The following PTCHD1 variants were observed in gnomAD, a reference collection of about 807,000 sequenced individuals.
PTCHD1 encodes the protein patched domain-containing protein 1.
Under a neutral mutation model 34.6 loss-of-function variants are expected in PTCHD1, and 3 were observed. The observed-to-expected ratio is 0.09, with a 90% confidence interval of 0.04 to 0.22. PTCHD1 has a LOEUF of 0.22. PTCHD1 is among the 10% of genes least tolerant of loss of function. PTCHD1 has a pLI of 1.00. For synonymous variants in PTCHD1, 305 were observed against 283.1 expected, an observed-to-expected ratio of 1.08 and a Z score of -0.77; for missense variants, 504 against 685.5, an observed-to-expected ratio of 0.74 and a Z score of 2.96.
intron 1 of PTCHD1, among the ~76,000 whole-genome samples, chrX:23,342,266 CTATATATATATATATATATATATA>C (rs1194698667): frequency 6.4e-5 from 2 of 31,263 alleles, no homozygotes; most frequent in Non-Finnish European, 1.2e-4. Context: ...GTGTTTCTCC[CTATATATATATATATATATATATA>C]TATATATATA....
At chrX:23,380,797 G>A (rs183658888) in intron 2 of PTCHD1, among the ~76,000 whole-genome samples, 116 of 111,258 alleles carry the variant, frequency 1.0e-3, no homozygotes, top group Non-Finnish European at 1.9e-3. Flanking sequence ...GTCCTCCCCC[G>A]GGGTGAGGAA....
chrX:23,349,745 G>A (rs1213182222), intron 1 of PTCHD1, among the ~76,000 whole-genome samples: 1 of 111,295 alleles, frequency 9.0e-6, no homozygotes, highest in Non-Finnish European at 1.9e-5. Context: ...TCCTCTGTCA[G>A]TAATGGATTA....
chrX:23,392,033 TTTTC>T (rs988428369), intron 2 of PTCHD1, among the ~76,000 whole-genome samples: 2 of 106,518 alleles, frequency 1.9e-5, no homozygotes, highest in African/African-American at 7.0e-5. Context: ...AGTTGTTTCA[TTTTC>T]TTTCTTTTTT....
At chrX:23,392,074 CT>C (rs763041195) in intron 2 of PTCHD1, among the ~76,000 whole-genome samples, 38 of 52,336 alleles carry the variant, frequency 7.3e-4, no homozygotes, top group Middle Eastern at 0.012. Flanking sequence ...TTCTTTCTTT[CT>C]TTTTTTTTTT....
intron 1 of PTCHD1, among the ~76,000 whole-genome samples, chrX:23,362,783 T>C (rs1210495758): frequency 8.9e-6 from 1 of 112,233 alleles, no homozygotes; most frequent in Non-Finnish European, 1.9e-5. Flanking sequence ...CTTTGGTCTT[T>C]GATGTTGGTG....
At chrX:23,354,496 AATATATATATAT>A (rs142123920) in intron 1 of PTCHD1, among the ~76,000 whole-genome samples, 4 of 95,801 alleles carry the variant, frequency 4.2e-5, no homozygotes, top group East Asian at 6.5e-4. Flanking sequence ...GAAGTACACA[AATATATATATAT>A]ATATATATAT....
At chrX:23,355,337 T>C (rs1002187183) in intron 1 of PTCHD1, among the ~76,000 whole-genome samples, 7 of 112,515 alleles carry the variant, frequency 6.2e-5, no homozygotes, top group Non-Finnish European at 1.3e-4. Flanking sequence ...TTGCCGCCTA[T>C]TGGGGTCTCT....
rs5971112 is a variant in PTCHD1, at chrX:23,380,520, T to A, written c.1012+269T>A. On this transcript the variant is annotated intron_variant, in intron 2 of 2. Coordinates refer to ENST00000379361, the MANE Select transcript of PTCHD1 (RefSeq NM_173495.3). ...TGTCTAGCAGGTATTAATCTTCTCC[T>A]TGTCCCAGTGTCTTAGGTTGGGCTT... Among the ~76,000 whole-genome samples, 307 of 110,863 alleles carry A rather than the reference T, an allele frequency of 2.8e-3. 3 individuals are homozygous for A. Among genetic ancestry groups the A allele is most frequent in the African/African-American group, 9.4e-3 (286 of 30,274 alleles).
In PTCHD1 at chrX:23,393,956, C is replaced by T; in HGVS notation, c.2438C>T (p.Ala813Val). The change falls in exon 3 of 3, where the codon GCA (alanine) becomes GTA (valine). Residue 813 changes from alanine to valine, a missense_variant. Physicochemically the swap from Ala to Val is moderately conservative, Grantham distance 64 (BLOSUM62 0). Coordinates refer to ENST00000379361, the MANE Select transcript of PTCHD1 (RefSeq NM_173495.3). ...LCYIVGLIPL[A>V]AVPSNLTCTL... ...TATATTGTTGGTCTGATTCCTCTTG[C>T]AGCTGTGCCTTCAAATCTGACCTGT... The T allele has an allele frequency of 8.3e-7, 1 of 1,209,581 alleles. No homozygotes were observed. Among genetic ancestry groups the T allele is most frequent in the South Asian group, 1.8e-5 (1 of 56,907 alleles).
At chrX:23,370,338 A>C (rs1450385691) in intron 1 of PTCHD1, among the ~76,000 whole-genome samples, 1 of 111,892 alleles carries the variant, frequency 8.9e-6, no homozygotes, top group Non-Finnish European at 1.9e-5. Flanking sequence ...ACCTCCCAGA[A>C]GGGTCGAGGC....
intron 1 of PTCHD1, among the ~76,000 whole-genome samples, chrX:23,342,265 C>CATATATATATAT (rs1921328923): frequency 7.0e-5 from 4 of 57,471 alleles, no homozygotes; most frequent in Admixed American, 3.8e-4. Context: ...TGTGTTTCTC[C>CATATATATATAT]CTATATATAT....
chrX:23,364,220 G>A (rs979979950), intron 1 of PTCHD1, among the ~76,000 whole-genome samples: 1 of 110,843 alleles, frequency 9.0e-6, no homozygotes. Flanking sequence ...ACTGGGAAAG[G>A]ACATGAGAGG....
In PTCHD1 at chrX:23,403,309, A is replaced by G. The variant is rs1923167264; in HGVS notation, c.*9124A>G. 1 of 112,211 alleles carries G rather than the reference A, an allele frequency of 8.9e-6. No individual in the cohort carries two copies. The allele number at this position is 112,211 out of a possible 1,213,427, so 9.2% of individuals were successfully genotyped here. A position where few individuals can be genotyped will look rare whatever the true frequency, so the allele number is the denominator to read the frequency against. On this transcript the variant is annotated 3_prime_UTR_variant, in exon 3 of 3. Transcript: ENST00000379361. ...GCAAGTGGGTGATTCTGGTCATAAT[A>G]AACTATTTTCAAACTAGGAAAAAGT...
At chrX:23,367,183 A>G (rs183744609) in intron 1 of PTCHD1, among the ~76,000 whole-genome samples, 1 of 112,192 alleles carries the variant, frequency 8.9e-6, no homozygotes, top group Non-Finnish European at 1.9e-5. Flanking sequence ...CGTAATGCCC[A>G]GTATGGTGTA....
chrX:23,374,954 G>T (rs895744250), intron 1 of PTCHD1, among the ~76,000 whole-genome samples: 2 of 111,760 alleles, frequency 1.8e-5, no homozygotes, highest in African/African-American at 6.5e-5. Context: ...ACACTCTTAA[G>T]GTAGGTAGTG....
Position 23,404,064 on chromosome X carries a change from A to T in PTCHD1, c.*9879A>T, listed in dbSNP as rs1158003984. ...AGCTTTCACCAGAGGGCGATCTTTC[A>T]TGCTTGCACATCGAGTTTATACAAT... is the stretch of plus-strand genomic sequence containing the variant. On this transcript the variant is annotated 3_prime_UTR_variant, in exon 3 of 3. Transcript: ENST00000379361. 2 of 112,111 alleles carry T rather than the reference A, an allele frequency of 1.8e-5. No individual in the cohort carries two copies. Among genetic ancestry groups the T allele is most frequent in the African/African-American group, 6.5e-5 (2 of 30,829 alleles). The allele number at this position is 112,111 out of a possible 1,213,427, so 9.2% of individuals were successfully genotyped here. A position where few individuals can be genotyped will look rare whatever the true frequency, so the allele number is the denominator to read the frequency against.
At position 23,385,244 on chromosome X, in the gene PTCHD1, CAT is replaced by C. The variant is rs1922657755; in HGVS notation, c.1012+4996_1012+4997del. Among the ~76,000 whole-genome samples the C allele has an allele frequency of 3.6e-5, 4 of 111,634 alleles. No individual in the cohort carries two copies. The South Asian group carries it at 1.5e-3, about 42-fold the overall frequency. ...CCTTTTATTCTTATGCTCCACCAAT[CAT>C]ATTAGGGTGAGAGTAGGTGGAAATA... is the stretch of plus-strand genomic sequence containing the variant. On this transcript the variant is annotated intron_variant, in intron 2 of 2. Transcript: ENST00000379361.
chrX:23,356,016 CTTGT>C (rs753109669), intron 1 of PTCHD1, among the ~76,000 whole-genome samples: 137 of 112,082 alleles, frequency 1.2e-3, no homozygotes, highest in Middle Eastern at 4.6e-3. Context: ...TCTGTTTCCT[CTTGT>C]TTGTTTGCTT....
At chrX:23,348,081 G>A (rs1020968441) in intron 1 of PTCHD1, among the ~76,000 whole-genome samples, 10 of 111,333 alleles carry the variant, frequency 9.0e-5, no homozygotes, top group African/African-American at 3.3e-4. Context: ...AGACCACATG[G>A]GTAATGTAAG....
Sources: allele counts gnomAD v4.1 joint callset (sites outside exome capture counted in the v4.1 genomes callset), GRCh38; gene constraint gnomAD v4.1.1; transcripts MANE v1.5; gene names NCBI Gene and HGNC (gene_info 2026-07-23, HGNC 2026-07-21).